The following C4orf51 variants were observed in gnomAD, a reference collection of about 807,000 sequenced individuals.
C4orf51 encodes the protein uncharacterized protein C4orf51.
A neutral mutation model predicts 25.2 loss-of-function variants in C4orf51; 25 were observed. The observed-to-expected ratio is 0.99, with a 90% CI of 0.72 to 1.39. The LOEUF (loss-of-function observed/expected upper bound fraction) is 1.39. C4orf51 is among the 40% of genes most tolerant of loss of function. The probability of loss-of-function intolerance (pLI) is 0.00; values close to 1 mark genes in which losing one functional copy is unlikely to be tolerated. For synonymous variants in C4orf51, 100 were observed against 84.5 expected (o/e 1.18, Z -1.01); for missense variants, 252 against 239.6 (o/e 1.05, Z -0.34).
rs1337675266 is a variant in C4orf51 at position 145,751,898 on chromosome 4, G to T, written n.168-2309G>T. On this transcript the variant is annotated intron_variant and non_coding_transcript_variant, in intron 1 of 1. Coordinates refer to the C4orf51 transcript ENST00000508981. ...TTCCTTTCCCTTTGCACAGGCAGGG[G>T]TGCCTCTCTCCATAGCCACCACTAC... Among the ~76,000 whole-genome samples, 4 of 152,150 alleles carry T rather than the reference G, an allele frequency of 2.6e-5. No individual in the cohort carries two copies. The East Asian group carries it at 7.7e-4, about 29-fold the overall frequency.
At chr4:145,693,911 G>A (rs1410679328) in intron 1 of C4orf51, among the ~76,000 whole-genome samples, 3 of 144,242 alleles carry the variant, frequency 2.1e-5, no homozygotes, top group Non-Finnish European at 1.5e-5. Context: ...CCCAGATGGG[G>A]TGGCTGCCGG....
chr4:145,782,582 G>A, the C4orf51 span, among the ~76,000 whole-genome samples: 3 of 152,154 alleles, frequency 2.0e-5, no homozygotes, highest in Non-Finnish European at 2.9e-5. Context: ...CCAACATTGT[G>A]GCAAAAGCCT....
At chr4:145,723,501 G>A (rs1329203117) in intron 2 of C4orf51, among the ~76,000 whole-genome samples, 32 of 151,822 alleles carry the variant, frequency 2.1e-4, no homozygotes, top group Non-Finnish European at 5.9e-5. Context: ...AAGACCTGGA[G>A]GTATACTTCC....
intron 1 of C4orf51, among the ~76,000 whole-genome samples, chr4:145,738,263 A>G (rs1017558632): frequency 1.3e-5 from 2 of 152,154 alleles, no homozygotes; most frequent in Non-Finnish European, 2.9e-5. Context: ...CAGCCTGACC[A>G]ATATGGTGAA....
chr4:145,777,818 G>C, the C4orf51 span, among the ~76,000 whole-genome samples: 1 of 152,064 alleles, frequency 6.6e-6, no homozygotes, highest in South Asian at 2.1e-4. Flanking sequence ...CCTCTGACTA[G>C]AGCTCTTGCT....
At chr4:145,685,829 G>A (rs1227386941) in intron 1 of C4orf51, among the ~76,000 whole-genome samples, 2 of 151,764 alleles carry the variant, frequency 1.3e-5, no homozygotes, top group South Asian at 2.1e-4. Flanking sequence ...TTAGTAAGCT[G>A]GAAATCAATG....
chr4:145,697,889 C>T (rs978900680), intron 2 of C4orf51, among the ~76,000 whole-genome samples: 8 of 152,150 alleles, frequency 5.3e-5, no homozygotes, highest in African/African-American at 7.2e-5. Context: ...ATTGTTGGAT[C>T]ATATAGTAAT....
Position 145,680,441 on chromosome 4 carries a change from G to A in C4orf51, c.233+5G>A. 6.2e-7 allele frequency: 1 copy of A among 1,608,602 alleles called. No homozygotes were observed. Among genetic ancestry groups the A allele is most frequent in the Non-Finnish European group, 8.5e-7 (1 of 1,175,658 alleles). On this transcript the variant is annotated splice_donor_5th_base_variant and intron_variant, in intron 1 of 5. Transcript: ENST00000438731. Reference sequence around the variant, plus strand: ...GCATGAGCCTGAGTGTAAACAGTAAGATTTCTTTGTAATTTGCACCTGGAT... The same window carrying A: ...GCATGAGCCTGAGTGTAAACAGTAAAATTTCTTTGTAATTTGCACCTGGAT...
chr4:145,788,012 G>C, the C4orf51 span, among the ~76,000 whole-genome samples: 3 of 152,144 alleles, frequency 2.0e-5, no homozygotes, highest in Non-Finnish European at 2.9e-5. Flanking sequence ...TAGAGAAACT[G>C]AGTAATGACC....
chr4:145,732,313 A>G lies in C4orf51; in HGVS notation c.502-140A>G, dbSNP rs1274139240. The G allele has an allele frequency of 1.9e-5, 11 of 592,360 alleles. No individual in the cohort carries two copies. In the African/African-American group the frequency reaches 1.9e-4, roughly 10 times the overall value. 36.7% of individuals were successfully genotyped at this position (592,360 alleles called of 1,614,324 possible). On this transcript the variant is annotated intron_variant, in intron 5 of 5. Coordinates refer to ENST00000438731, the MANE Select transcript of C4orf51 (RefSeq NM_001080531.3). ...ATATTAAACAGGAAGGTTAAGAGAG[A>G]TGGAAGAAAATGCAGGATCAATCCC...
At chr4:145,727,078 T>G in intron 3 of C4orf51, 109 bp downstream of exon 3, 2 of 820,278 alleles carry the variant, frequency 2.4e-6, no homozygotes, top group Non-Finnish European at 3.9e-6. Context: ...TAAAAAACAA[T>G]ATTCACCAAA....
intron 2 of C4orf51, among the ~76,000 whole-genome samples, chr4:145,719,450 A>C (rs1413934081): frequency 6.6e-6 from 1 of 151,954 alleles, no homozygotes; most frequent in Non-Finnish European, 1.5e-5. Flanking sequence ...CTAAAAATAC[A>C]AAAAATTAGC....
In C4orf51 at chr4:145,763,023, G is replaced by A. The variant is rs1478625692; in HGVS notation, n.167-7965G>A. ...CCTCAGCTCACAGAAGAGTGCACAC[G>A]AGAGAAATATAAAGCCCATTCCCAG... On this transcript the variant is annotated intron_variant and non_coding_transcript_variant, in intron 1 of 1. Coordinates refer to the C4orf51 transcript ENST00000510096. The surrounding 1 kb of genome is among the most constrained non-coding windows in gnomAD (Gnocchi z 4.6). 92 of 1,434,160 alleles carry A rather than the reference G, an allele frequency of 6.4e-5. No individual in the cohort carries two copies. In the East Asian group the frequency reaches 1.2e-3, roughly 19 times the overall value. 88.8% of individuals were successfully genotyped at this position (1,434,160 alleles called of 1,614,324 possible).
At chr4:145,750,380 A>G (rs1390126857) in intron 1 of C4orf51, among the ~76,000 whole-genome samples, 2 of 124,738 alleles carry the variant, frequency 1.6e-5, no homozygotes, top group Non-Finnish European at 3.4e-5. Flanking sequence ...TTTGAAGGAT[A>G]TTTTCACCAG....
chr4:145,787,646 A>G, the C4orf51 span, among the ~76,000 whole-genome samples: 3 of 152,092 alleles, frequency 2.0e-5, no homozygotes, highest in African/African-American at 4.8e-5. Context: ...CAGGGGGTCC[A>G]TGCACAGGCC....
intron 1 of C4orf51, among the ~76,000 whole-genome samples, chr4:145,770,381 C>T (rs1470682383): frequency 3.3e-5 from 5 of 151,536 alleles, no homozygotes; most frequent in Admixed American, 3.3e-4. Flanking sequence ...TTGAATCTCA[C>T]TTCTACCACT....
Position 145,696,621 on chromosome 4 carries a change from C to T in C4orf51, c.296C>T (p.Thr99Ile). The change falls in exon 2 of 6, where the codon ACA becomes ATA. Residue 99 changes from threonine to isoleucine, a missense_variant. Thr to Ile is a moderately conservative substitution (Grantham distance 89). Transcript: ENST00000438731. ...TGCTGGGCTGGTACCCAAGAGACTACAGATATCAAAGGTAAGTGCAACATG... is the reference window on the plus strand; with the variant it reads ...TGCTGGGCTGGTACCCAAGAGACTATAGATATCAAAGGTAAGTGCAACATG... ...LLCWAGTQET[T>I]DIKGLFPDIT... The T allele has an allele frequency of 6.2e-7, 1 of 1,612,974 alleles. No individual in the cohort carries two copies. Among genetic ancestry groups the T allele is most frequent in the South Asian group, 1.1e-5 (1 of 90,988 alleles).
intron 2 of C4orf51, among the ~76,000 whole-genome samples, chr4:145,705,161 G>T (rs1295822886): frequency 6.6e-6 from 1 of 152,142 alleles, no homozygotes; most frequent in Non-Finnish European, 1.5e-5. Flanking sequence ...AATGTCTCTG[G>T]AAGGCCATAT....
At chr4:145,787,335 C>T in the C4orf51 span, among the ~76,000 whole-genome samples, 13 of 151,958 alleles carry the variant, frequency 8.6e-5, no homozygotes, top group Middle Eastern at 3.4e-3. Flanking sequence ...TGGTGGCGCG[C>T]GCCTGTAGTC....
Sources: allele counts gnomAD v4.1 joint callset (sites outside exome capture counted in the v4.1 genomes callset), GRCh38; gene constraint gnomAD v4.1.1; non-coding constraint Gnocchi (gnomAD v3.1); transcripts MANE v1.5; gene names NCBI Gene and HGNC (gene_info 2026-07-23, HGNC 2026-07-21).